Variants in SLC22A16 observed in about 807,000 individuals in gnomAD.
SLC22A16 encodes solute carrier family 22 member 16, also known as WUGSC:RG331P03.1.
A neutral mutation model predicts 52.9 loss-of-function variants in SLC22A16; 53 were observed. The observed-to-expected ratio is 1.00, with a 90% CI of 0.80 to 1.26. SLC22A16 has a LOEUF of 1.26. SLC22A16 is among the 50% of genes most tolerant of loss of function. SLC22A16 has a pLI of 0.00. For synonymous variants in SLC22A16, 291 were observed against 268.8 expected, an observed-to-expected ratio of 1.08 and a Z score of -0.81; for missense variants, 726 against 704.0, an observed-to-expected ratio of 1.03 and a Z score of -0.35.
At position 110,456,906 on chromosome 6, in the gene SLC22A16, T is replaced by A; in HGVS notation, c.165A>T (p.Pro55=). ...GVTPHHVCRP[P]GNVSQVVFHN... Reference sequence around the variant, plus strand: ...GGAAAACAACCTGACTCACATTGCCTGGGGGCCTGCAGACATGATGAGGGG... The same window carrying A: ...GGAAAACAACCTGACTCACATTGCCAGGGGGCCTGCAGACATGATGAGGGG... The change falls in exon 2 of 8, where the codon CCA becomes CCT. Residue 55 remains proline, a synonymous_variant. Coordinates refer to ENST00000368919, the MANE Select transcript of SLC22A16 (RefSeq NM_033125.4). 1.2e-6 allele frequency: 2 copies of A among 1,613,830 alleles called. No homozygotes were observed. The highest frequency in any genetic ancestry group is 1.7e-6 in the Non-Finnish European group (2 of 1,179,880).
intron 1 of SLC22A16, among the ~76,000 whole-genome samples, chr6:110,466,554 G>T (rs1776069374): frequency 6.6e-6 from 1 of 151,990 alleles, no homozygotes; most frequent in African/African-American, 2.4e-5. Context: ...TCAGAGAAAT[G>T]CAAATTAAAA....
chr6:110,476,567 G>A lies in SLC22A16; in HGVS notation c.8C>T (p.Ser3Phe). 6.5e-7 allele frequency: 1 copy of A among 1,542,800 alleles called. No homozygotes were observed. The highest frequency in any genetic ancestry group is 2.5e-5 in the East Asian group (1 of 39,716). Residue 3 changes from serine to phenylalanine, a missense_variant, in exon 1 of 8, where the codon TCC (serine) becomes TTC (phenylalanine). Physicochemically the swap from Ser to Phe is radical, Grantham distance 155. Coordinates refer to ENST00000368919, the MANE Select transcript of SLC22A16 (RefSeq NM_033125.4). ...GTCATAAATCCCCTCGAAGTGGCGGGACCCCATGGTGCGGCCGTGCACTGG... is the reference window on the plus strand; with the variant it reads ...GTCATAAATCCCCTCGAAGTGGCGGAACCCCATGGTGCGGCCGTGCACTGG... MGSRHFEGIYDHV... is the reference protein window; with the variant it reads MGFRHFEGIYDHV...
intron 4 of SLC22A16, among the ~76,000 whole-genome samples, chr6:110,439,247 G>A (rs1256206225): frequency 6.6e-6 from 1 of 152,186 alleles, no homozygotes; most frequent in Non-Finnish European, 1.5e-5. Context: ...AACCATGTGT[G>A]TTTGTCTTTG....
chr6:110,463,846 C>T (rs1375712551), intron 1 of SLC22A16, among the ~76,000 whole-genome samples: 1 of 151,744 alleles, frequency 6.6e-6, no homozygotes, highest in Admixed American at 6.6e-5. Context: ...ACATTTTTCT[C>T]ATCTGTGCAT....
At chr6:110,432,338 C>T (rs1774540117) in intron 6 of SLC22A16, among the ~76,000 whole-genome samples, 1 of 152,072 alleles carries the variant, frequency 6.6e-6, no homozygotes, top group Non-Finnish European at 1.5e-5. Flanking sequence ...TGTAAACCAA[C>T]AACCAAGCCA....
At chr6:110,459,295 C>G (rs1775779997) in intron 1 of SLC22A16, among the ~76,000 whole-genome samples, 1 of 152,176 alleles carries the variant, frequency 6.6e-6, no homozygotes, top group African/African-American at 2.4e-5. Flanking sequence ...AACCTAGAAA[C>G]TTGCAAACAC....
chr6:110,437,504 A>G (rs903600618), intron 5 of SLC22A16, among the ~76,000 whole-genome samples: 2 of 152,218 alleles, frequency 1.3e-5, no homozygotes, highest in African/African-American at 4.8e-5. Flanking sequence ...TGGAAATTTC[A>G]TTACATAAAA....
Position 110,442,362 on chromosome 6 carries a change from A to G in SLC22A16, c.1065T>C (p.Ile355=). 1 of 1,614,218 alleles carries G rather than the reference A, an allele frequency of 6.2e-7. No individual in the cohort carries two copies. Among genetic ancestry groups the G allele is most frequent in the Non-Finnish European group, 8.5e-7 (1 of 1,180,030 alleles). The change falls in exon 4 of 8, where the codon ATT becomes ATC. Residue 355 remains isoleucine, a synonymous_variant. Transcript: ENST00000368919. ...GCCAAACGGTAAGTGTCCTTTTCGT[A>G]ATGCTCCAGTTATAAAACAGATATG... ...NLSYLFYNWS[I]TKRTLTVWLI...
intron 7 of SLC22A16, among the ~76,000 whole-genome samples, chr6:110,429,133 T>A (rs1774394219): frequency 6.6e-6 from 1 of 152,178 alleles, no homozygotes; most frequent in Non-Finnish European, 1.5e-5. Flanking sequence ...TCTCATTTTA[T>A]CTTTTTTGAA....
At chr6:110,451,439 A>G (rs896440550) in intron 2 of SLC22A16, among the ~76,000 whole-genome samples, 1 of 152,196 alleles carries the variant, frequency 6.6e-6, no homozygotes, top group Non-Finnish European at 1.5e-5. Context: ...GAGAGATCCT[A>G]TTACTCCATA....
intron 5 of SLC22A16, among the ~76,000 whole-genome samples, chr6:110,437,907 G>A (rs898273829): frequency 3.9e-5 from 6 of 152,098 alleles, no homozygotes; most frequent in Admixed American, 6.6e-5. Flanking sequence ...GTGTTTATGC[G>A]TACCAGACAT....
chr6:110,451,126 T>G lies in SLC22A16; in HGVS notation c.534-4136A>C, dbSNP rs117852410. 2.4e-4 allele frequency among the ~76,000 whole-genome samples: 36 copies of G among 152,376 alleles called. No individual in the cohort carries two copies. The East Asian group carries it at 6.2e-3, about 26-fold the overall frequency. On this transcript the variant is annotated intron_variant, in intron 2 of 7. Transcript: ENST00000368919. Reference sequence around the variant, plus strand: ...TTATGTATAGGAGATTCATCTATGTTGTTTCATGTAGCTGTGTCTCATTCA... The same window carrying G: ...TTATGTATAGGAGATTCATCTATGTGGTTTCATGTAGCTGTGTCTCATTCA...
intron 1 of SLC22A16, 75 bp from the exon 2 acceptor site, chr6:110,457,092 T>C: frequency 1.4e-6 from 2 of 1,386,094 alleles, no homozygotes; most frequent in Non-Finnish European, 1.9e-6. Context: ...TTGAAGGGTC[T>C]CCATCATGTT....
At chr6:110,462,715 G>T (rs1197793684) in intron 1 of SLC22A16, among the ~76,000 whole-genome samples, 1 of 152,074 alleles carries the variant, frequency 6.6e-6, no homozygotes, top group Non-Finnish European at 1.5e-5. Flanking sequence ...GAATAATTCA[G>T]GAAAATTTCC....
rs1332771757 is a variant in SLC22A16, at chr6:110,476,555, T to A, written c.20A>T (p.Glu7Val). ...GTGCCCCACGTGGTCATAAATCCCC[T>A]CGAAGTGGCGGGACCCCATGGTGCG... Reference protein sequence around the residue: MGSRHFEGIYDHVGHFG... With the variant: MGSRHFVGIYDHVGHFG... Residue 7 changes from glutamate to valine, a missense_variant, in exon 1 of 8, where the codon GAG (glutamate) becomes GTG (valine). Physicochemically the swap from Glu to Val is moderately radical, Grantham distance 121. Transcript: ENST00000368919. The A allele has an allele frequency of 1.5e-5, 22 of 1,478,932 alleles. No individual in the cohort carries two copies. The highest frequency in any genetic ancestry group is 1.9e-5 in the Non-Finnish European group (21 of 1,120,010). 91.6% of individuals were successfully genotyped at this position (1,478,932 alleles called of 1,614,324 possible). A position where few individuals can be genotyped will look rare whatever the true frequency, so the allele number is the denominator to read the frequency against.
At chr6:110,452,710 A>G (rs1208366208) in intron 2 of SLC22A16, among the ~76,000 whole-genome samples, 1 of 152,230 alleles carries the variant, frequency 6.6e-6, no homozygotes, top group East Asian at 1.9e-4. Context: ...TTAATATTTT[A>G]AACTTCACAA....
chr6:110,475,864 G>A (rs1776447858), intron 1 of SLC22A16: 2 of 454,506 alleles, frequency 4.4e-6, no homozygotes, highest in Non-Finnish European at 8.8e-6. Flanking sequence ...GTTAAACGTG[G>A]TTCCACCATG....
At chr6:110,442,814 A>T in intron 3 of SLC22A16, 39 bp from the exon 4 acceptor site, 1 of 1,571,202 alleles carries the variant, frequency 6.4e-7, no homozygotes, top group East Asian at 2.2e-5. Context: ...TCAAGGTCAC[A>T]TTTATAACTA....
chr6:110,458,727 G>A (rs1389890077), intron 1 of SLC22A16, among the ~76,000 whole-genome samples: 1 of 152,202 alleles, frequency 6.6e-6, no homozygotes, highest in African/African-American at 2.4e-5. Flanking sequence ...CCAATCACTT[G>A]AGGGCTTGAA....
Sources: gnomAD v4.1 joint callset for allele counts (sites outside exome capture counted in the v4.1 genomes callset) on GRCh38, gnomAD v4.1.1 for gene constraint, MANE v1.5 for transcripts, NCBI Gene and HGNC (gene_info 2026-07-23, HGNC 2026-07-21) for gene names.